Variants in LRRC66 observed in about 807,000 individuals in gnomAD.
LRRC66 encodes leucine-rich repeat-containing protein 66.
A neutral mutation model predicts 24.6 loss-of-function variants in LRRC66; 29 were observed. That is an observed-to-expected ratio of 1.18 (90% CI 0.88 to 1.61). LRRC66 has a LOEUF of 1.61. Ranked by LOEUF, LRRC66 falls within the 40% of genes most tolerant of loss-of-function variation. LRRC66 has a pLI of 0.00. For missense variants in LRRC66, 1,124 were observed against 1,058.0 expected (o/e 1.06, Z -0.87); for synonymous variants, 411 against 397.6 (o/e 1.03, Z -0.40).
At position 51,994,348 on chromosome 4, in the gene LRRC66, G is replaced by C; in HGVS notation, c.*31C>G. ...ATGATCTTTAAAAGAATATTGTTTA[G>C]AGCTGTGAATATTTCCTTAATGAAA... On this transcript the variant is annotated 3_prime_UTR_variant, in exon 5 of 5. Coordinates refer to ENST00000682860, the MANE Select transcript of LRRC66 (RefSeq NM_001024611.3). 1 of 1,555,852 alleles carries C rather than the reference G, an allele frequency of 6.4e-7. No homozygotes were observed. The highest frequency in any genetic ancestry group is 1.2e-5 in the South Asian group (1 of 82,782).
Position 51,995,420 on chromosome 4 carries a change from G to A in LRRC66, c.1602C>T (p.Leu534=), listed in dbSNP as rs1736275333. 3.1e-6 allele frequency: 5 copies of A among 1,614,024 alleles called. 1 individual carries two copies. The highest frequency in any genetic ancestry group is 3.4e-6 in the Non-Finnish European group (4 of 1,180,046). The change falls in exon 5 of 5, where the codon CTC becomes CTT. Residue 534 remains leucine (L), a synonymous_variant. Coordinates refer to ENST00000682860, the MANE Select transcript of LRRC66 (RefSeq NM_001024611.3). ...AQDHIHRNDI[L]GEWTYETVAQ... is the part of the protein sequence containing the mutation. ...CCACAGTTTCATAAGTCCATTCTCCGAGAATATCATTCCTATGGATGTGGT... is the reference window on the plus strand; with the variant it reads ...CCACAGTTTCATAAGTCCATTCTCCAAGAATATCATTCCTATGGATGTGGT...
At position 52,017,809 on chromosome 4, in the gene LRRC66, A is replaced by G. The variant is rs774739652; in HGVS notation, c.-5-191T>C. The G allele has an allele frequency of 7.6e-5, 75 of 985,268 alleles. 1 individual carries two copies. The highest frequency in any genetic ancestry group is 8.6e-5 in the Non-Finnish European group (71 of 829,884). 61.0% of individuals were successfully genotyped at this position (985,268 alleles called of 1,614,324 possible). On this transcript the variant is annotated intron_variant, in intron 1 of 4. Transcript: ENST00000682860. Reference sequence around the variant, plus strand: ...CAAAATGAAATAGCCATAGTATAAAATTACATTTATGTCACATTTTAAAGA... The same window carrying G: ...CAAAATGAAATAGCCATAGTATAAAGTTACATTTATGTCACATTTTAAAGA...
intron 2 of LRRC66, among the ~76,000 whole-genome samples, chr4:52,014,491 A>T (rs1197133261): frequency 6.6e-6 from 1 of 152,210 alleles, no homozygotes; most frequent in Non-Finnish European, 1.5e-5. Context: ...CCTTACAATG[A>T]TCCAATGAGT....
intron 4 of LRRC66, 30 bp from the exon 5 acceptor site, chr4:51,996,195 G>T: frequency 6.6e-7 from 1 of 1,509,850 alleles, no homozygotes; most frequent in South Asian, 1.3e-5. Flanking sequence ...AATACACATT[G>T]AGCGAACATT....
chr4:52,005,191 A>T (rs1488511529), intron 2 of LRRC66, among the ~76,000 whole-genome samples: 1 of 152,146 alleles, frequency 6.6e-6, no homozygotes, highest in East Asian at 1.9e-4. Flanking sequence ...TTCAATAAAA[A>T]TTTGCATTTC....
intron 2 of LRRC66, among the ~76,000 whole-genome samples, chr4:52,007,891 A>C (rs1736621899): frequency 6.6e-6 from 1 of 152,198 alleles, no homozygotes; most frequent in African/African-American, 2.4e-5. Flanking sequence ...ACTGGGACCC[A>C]TGTGTAACTT....
At chr4:52,003,490 C>A in intron 2 of LRRC66, 98 bp from the exon 3 acceptor site, 1 of 979,256 alleles carries the variant, frequency 1.0e-6, no homozygotes, top group South Asian at 1.6e-5. Flanking sequence ...TAAGAGTTCT[C>A]AATTGAGGTA....
chr4:52,017,365 T>G lies in LRRC66; in HGVS notation c.249A>C (p.Glu83Asp). Reference sequence around the variant, plus strand: ...GGTCCAGATGTTTTATTTTCCACTCTTCTTTTTTCGTGTGAGACTGTAAGA... The same window carrying G: ...GGTCCAGATGTTTTATTTTCCACTCGTCTTTTTTCGTGTGAGACTGTAAGA... The part of the protein sequence containing the change: ...RVLLQSHTKK[E>D]EWKIKHLDLS... Residue 83 changes from glutamate to aspartate, a missense_variant, in exon 2 of 5, where the codon GAA (glutamate) becomes GAC (aspartate). Transcript: ENST00000682860. 1.2e-6 allele frequency: 2 copies of G among 1,614,178 alleles called. No homozygotes were observed.
rs1699055623 is a variant in LRRC66, at chr4:52,019,550, T to C, written c.-6+754A>G. Among the ~76,000 whole-genome samples the C allele has an allele frequency of 2.0e-5, 3 of 152,326 alleles. No individual in the cohort carries two copies. The South Asian group carries it at 6.2e-4, about 32-fold the overall frequency. ...AATCCTCCCATATTTTCAAGGGCAT[T>C]TAAATTCAGGTACACATGGCCATGA... On this transcript the variant is annotated intron_variant, in intron 1 of 4. Coordinates refer to ENST00000682860, the MANE Select transcript of LRRC66 (RefSeq NM_001024611.3).
chr4:52,017,470 A>T lies in LRRC66; in HGVS notation c.144T>A (p.Phe48Leu). 1 of 1,614,118 alleles carries T rather than the reference A, an allele frequency of 6.2e-7. No homozygotes were observed. The highest frequency in any genetic ancestry group is 1.1e-5 in the South Asian group (1 of 91,072). ...WNEYILTNCS[F>L]TGKCDIPVDI... ...CCACAGGTATATCACACTTTCCGGTAAAAGAACAATTTGTCAGAATATATT... is the reference window on the plus strand; with the variant it reads ...CCACAGGTATATCACACTTTCCGGTTAAAGAACAATTTGTCAGAATATATT... Residue 48 changes from phenylalanine to leucine, a missense_variant, in exon 2 of 5, where the codon TTT (phenylalanine) becomes TTA (leucine). Coordinates refer to ENST00000682860, the MANE Select transcript of LRRC66 (RefSeq NM_001024611.3).
At chr4:52,006,445 G>A (rs1347715368) in intron 2 of LRRC66, among the ~76,000 whole-genome samples, 7 of 150,898 alleles carry the variant, frequency 4.6e-5, no homozygotes, top group African/African-American at 1.7e-4. Flanking sequence ...GTAAACTATT[G>A]CAAGAACAAA....
intron 4 of LRRC66, 71 bp from the exon 5 acceptor site, chr4:51,996,236 T>C (rs1736314280): frequency 2.8e-6 from 4 of 1,417,928 alleles, no homozygotes; most frequent in Non-Finnish European, 3.8e-6. Flanking sequence ...TTTCTCTTTT[T>C]TACAGAATTG....
Position 51,994,848 on chromosome 4 carries a change from G to C in LRRC66, c.2174C>G (p.Thr725Ser), listed in dbSNP as rs752235524. 5 of 1,614,230 alleles carry C rather than the reference G, an allele frequency of 3.1e-6. No individual in the cohort carries two copies. Among genetic ancestry groups the C allele is most frequent in the Non-Finnish European group, 4.2e-6 (5 of 1,180,044 alleles). The change falls in exon 5 of 5, where the codon ACT becomes AGT. Residue 725 changes from threonine to serine, a missense_variant. Thr to Ser is a moderately conservative substitution (Grantham distance 58). Transcript: ENST00000682860. ...CTCCTCATCAGGCACTGCCTCTTCA[G>C]TCTTGCTCCTTGCACTCTCTGAACT... Reference protein sequence around the residue: ...SISSESARSKTEEAVPDEESL... With the variant: ...SISSESARSKSEEAVPDEESL...
At chr4:52,000,654 C>G (rs1736427616) in intron 3 of LRRC66, among the ~76,000 whole-genome samples, 1 of 152,206 alleles carries the variant, frequency 6.6e-6, no homozygotes, top group South Asian at 2.1e-4. Flanking sequence ...TGGAGAGGCC[C>G]ACATGGCACA....
chr4:52,018,680 G>T, intron 1 of LRRC66: 1 of 840,588 alleles, frequency 1.2e-6, no homozygotes, highest in Middle Eastern at 6.1e-4. Flanking sequence ...ATCCTCAAAG[G>T]GCTCCTTATT....
chr4:52,013,397 T>C (rs1342883783), intron 2 of LRRC66, among the ~76,000 whole-genome samples: 1 of 152,222 alleles, frequency 6.6e-6, no homozygotes, highest in African/African-American at 2.4e-5. Context: ...TCTATCAACC[T>C]AACTGGAATC....
rs547262355 is a variant in LRRC66, at chr4:52,005,404, C to A, written c.497-2012G>T. On this transcript the variant is annotated intron_variant, in intron 2 of 4. Transcript: ENST00000682860. ...AATCCCAGCACTTTGGAAGCCGAAG[C>A]GGGTGAATCACTTGAGGTCAGGAGT... Among the ~76,000 whole-genome samples, 5 of 152,160 alleles carry A rather than the reference C, an allele frequency of 3.3e-5. No individual in the cohort carries two copies. In the South Asian group the frequency reaches 8.3e-4, roughly 25 times the overall value.
chr4:52,009,923 T>C (rs1364519354), intron 2 of LRRC66, among the ~76,000 whole-genome samples: 2 of 152,122 alleles, frequency 1.3e-5, no homozygotes, highest in Admixed American at 6.5e-5. Context: ...CTCATGAACA[T>C]AGGTGTAAAA....
Position 51,994,213 on chromosome 4 carries a change from T to C in LRRC66, c.*166A>G. On this transcript the variant is annotated 3_prime_UTR_variant, in exon 5 of 5. Coordinates refer to ENST00000682860, the MANE Select transcript of LRRC66 (RefSeq NM_001024611.3). ...TTAGCTTATAACCCTTCTAGAATCA[T>C]CGCCCTCAAGTGGGCCCACAAAACC... 1 of 639,030 alleles carries C rather than the reference T, an allele frequency of 1.6e-6. No homozygotes were observed. Among genetic ancestry groups the C allele is most frequent in the Non-Finnish European group, 2.7e-6 (1 of 376,102 alleles). 39.6% of individuals were successfully genotyped at this position (639,030 alleles called of 1,614,324 possible).
Sources: allele counts gnomAD v4.1 joint callset (sites outside exome capture counted in the v4.1 genomes callset), GRCh38; gene constraint gnomAD v4.1.1; transcripts MANE v1.5; gene names NCBI Gene and HGNC (gene_info 2026-07-23, HGNC 2026-07-21).